C22orf42: variants seen among roughly 807,000 people sequenced by gnomAD.
C22orf42 encodes chromosome 22 open reading frame 42.
In C22orf42, 24 loss-of-function variants were observed where a neutral mutation model predicts 31.4. That is an observed-to-expected ratio of 0.77 (90% CI 0.55 to 1.08). The LOEUF (loss-of-function observed/expected upper bound fraction) is 1.08. Among genes scored for constraint, C22orf42 ranks in the 50% least tolerant of loss-of-function variants. C22orf42 has a pLI of 0.00. For missense variants in C22orf42, 276 were observed against 327.3 expected (o/e 0.84, Z 1.21); for synonymous variants, 96 against 112.7 (o/e 0.85, Z 0.94).
At chr22:32,150,584 G>C in intron 6 of C22orf42, 105 bp from the exon 7 acceptor site, 1 of 1,078,194 alleles carries the variant, frequency 9.3e-7, no homozygotes. Context: ...GTGGGCGGTT[G>C]ACAGGCATGG....
upstream of C22orf42, chr22:32,159,441 C>T: frequency 2.1e-6 from 3 of 1,400,536 alleles, no homozygotes; most frequent in Non-Finnish European, 2.8e-6. Context: ...CAATGCCCAT[C>T]CCTGCTGCTG....
At position 32,159,020 on chromosome 22, in the gene C22orf42, GGCTGAGGTACT is replaced by G; in HGVS notation, c.185_195del (p.Gln62ProfsTer41). 6.2e-7 allele frequency: 1 copy of G among 1,614,188 alleles called. No individual in the cohort carries two copies. The highest frequency in any genetic ancestry group is 8.5e-7 in the Non-Finnish European group (1 of 1,180,040). On this transcript the variant is annotated frameshift_variant, in exon 1 of 9. Transcript: ENST00000382097. LOFTEE classifies it high-confidence loss of function. ...TTCAGCATCTTCGGCGTCTTCGGGA[GGCTGAGGTACT>G]GCATGAGTTGGGCCTTCTTAGCTTT...
chr22:32,154,349 C>A, intron 1 of C22orf42, 31 bp from the exon 2 acceptor site: 1 of 1,605,858 alleles, frequency 6.2e-7, no homozygotes. Context: ...CTTATAGATT[C>A]TAGGAAATGT....
chr22:32,158,621 T>A (rs887735224), intron 1 of C22orf42, among the ~76,000 whole-genome samples: 1 of 152,230 alleles, frequency 6.6e-6, no homozygotes, highest in Non-Finnish European at 1.5e-5. Flanking sequence ...AATTATTAGC[T>A]ACCTTAAGGA....
intron 8 of C22orf42, 35 bp from the exon 9 acceptor site, chr22:32,149,648 A>AAT (rs964414656): frequency 7.5e-7 from 1 of 1,338,606 alleles, no homozygotes; most frequent in South Asian, 2.0e-5. Context: ...TCTCAAAAAA[A>AAT]AAATATATAT....
At chr22:32,158,321 A>T (rs1293500578) in intron 1 of C22orf42, among the ~76,000 whole-genome samples, 1 of 152,204 alleles carries the variant, frequency 6.6e-6, no homozygotes, top group Non-Finnish European at 1.5e-5. Context: ...CTCATGTCAA[A>T]TTGGGAATTT....
chr22:32,159,791 G>A (rs962213971), upstream of C22orf42: 2 of 159,430 alleles, frequency 1.3e-5, no homozygotes, highest in Middle Eastern at 3.3e-3. Context: ...TCGATAAAGC[G>A]TGATGACTGC....
At chr22:32,154,950 A>G (rs1603181557) in intron 1 of C22orf42, among the ~76,000 whole-genome samples, 1 of 152,342 alleles carries the variant, frequency 6.6e-6, no homozygotes, top group African/African-American at 2.4e-5. Flanking sequence ...CCAGCTCATG[A>G]AAAAGATCTG....
Position 32,155,553 on chromosome 22 carries a change from C to T in C22orf42, c.233-1235G>A, listed in dbSNP as rs185181028. Among the ~76,000 whole-genome samples the T allele has an allele frequency of 2.6e-4, 40 of 151,588 alleles. 1 individual carries two copies. In the East Asian group the frequency reaches 6.6e-3, roughly 25 times the overall value. ...CTTGCTTCTGCTTCCCCTGCTCCGACAATCCTAATTCTGGCTTCCAAAGCA... is the reference window on the plus strand; with the variant it reads ...CTTGCTTCTGCTTCCCCTGCTCCGATAATCCTAATTCTGGCTTCCAAAGCA... On this transcript the variant is annotated intron_variant, in intron 1 of 8. Transcript: ENST00000382097.
At chr22:32,152,509 G>C in intron 3 of C22orf42, 53 bp downstream of exon 3, 1 of 1,440,696 alleles carries the variant, frequency 6.9e-7, no homozygotes, top group Non-Finnish European at 9.8e-7. Flanking sequence ...TATTCTAGAA[G>C]CCCCAGAAAA....
chr22:32,150,042 GAT>G (rs982987699), intron 7 of C22orf42: 2 of 536,004 alleles, frequency 3.7e-6, no homozygotes, highest in African/African-American at 3.8e-5. Context: ...CTCACTACCA[GAT>G]AGTTTGTAAG....
At chr22:32,160,443 C>T (rs915783805), upstream of C22orf42, 1 of 152,170 alleles carries the variant, frequency 6.6e-6, no homozygotes, top group African/African-American at 2.4e-5. Context: ...CAAACAAAGG[C>T]TTAGAGGGTT....
At chr22:32,149,651 ATATATAT>A in intron 8 of C22orf42, 38 bp from the exon 9 acceptor site, 1 of 1,059,864 alleles carries the variant, frequency 9.4e-7, no homozygotes, top group Non-Finnish European at 1.2e-6. Context: ...CAAAAAAAAA[ATATATAT>A]ATATATATAT....
In C22orf42 at chr22:32,149,803, G is replaced by A. The variant is rs748272719; in HGVS notation, c.655-23C>T. 20 of 1,482,590 alleles carry A rather than the reference G, an allele frequency of 1.3e-5. No individual in the cohort carries two copies. In the East Asian group the frequency reaches 1.5e-4, roughly 11 times the overall value. The allele number at this position is 1,482,590 out of a possible 1,614,324, so 91.8% of individuals were successfully genotyped here. On this transcript the variant is annotated intron_variant, in intron 7 of 8. Coordinates refer to ENST00000382097, the MANE Select transcript of C22orf42 (RefSeq NM_001010859.3). ...TGCCTGCAATAGGAGAAAGGAAAACGCCATGAGGATCGGATCATGCTGGGC... is the reference window on the plus strand; with the variant it reads ...TGCCTGCAATAGGAGAAAGGAAAACACCATGAGGATCGGATCATGCTGGGC...
At chr22:32,158,483 G>A (rs1472165793) in intron 1 of C22orf42, among the ~76,000 whole-genome samples, 1 of 152,052 alleles carries the variant, frequency 6.6e-6, no homozygotes, top group Non-Finnish European at 1.5e-5. Flanking sequence ...AATTACAATT[G>A]GAAGAAGTAA....
rs1415384161 is a variant in C22orf42 at position 32,149,195 on chromosome 22, G to C, written c.*345C>G. ...CTTCCTCCACCAGCTCAGCTCCTTT[G>C]CTCTTCCTTATCCAGGAAATACAGA... On this transcript the variant is annotated 3_prime_UTR_variant, in exon 9 of 9. Coordinates refer to ENST00000382097, the MANE Select transcript of C22orf42 (RefSeq NM_001010859.3). The C allele has an allele frequency of 1.2e-5, 2 of 165,498 alleles. No homozygotes were observed. The highest frequency in any genetic ancestry group is 2.6e-5 in the Non-Finnish European group (2 of 76,172). 10.3% of individuals were successfully genotyped at this position (165,498 alleles called of 1,614,324 possible).
chr22:32,149,922 G>A (rs1325132417), intron 7 of C22orf42, 142 bp from the exon 8 acceptor site: 5 of 607,760 alleles, frequency 8.2e-6, no homozygotes, highest in East Asian at 6.2e-5. Context: ...AAGCATAGAC[G>A]ATGTGTGTGG....
rs1921436444 is a variant in C22orf42, at chr22:32,159,024, G to A, written c.192C>T (p.Leu64=). Residue 64 remains leucine (L), a synonymous_variant, in exon 1 of 9, where the codon CTC becomes CTT. Transcript: ENST00000382097. ...KAKKAQLMQY[L]SLPKTPKMLK... is the part of the protein sequence containing the mutation. ...GCATCTTCGGCGTCTTCGGGAGGCTGAGGTACTGCATGAGTTGGGCCTTCT... is the reference window on the plus strand; with the variant it reads ...GCATCTTCGGCGTCTTCGGGAGGCTAAGGTACTGCATGAGTTGGGCCTTCT... 1 of 1,614,198 alleles carries A rather than the reference G, an allele frequency of 6.2e-7. No individual in the cohort carries two copies. The highest frequency in any genetic ancestry group is 8.5e-7 in the Non-Finnish European group (1 of 1,180,040).
chr22:32,154,003 A>T (rs1921118779), intron 2 of C22orf42, among the ~76,000 whole-genome samples: 4 of 149,764 alleles, frequency 2.7e-5, no homozygotes. Flanking sequence ...CTGGGCGACA[A>T]ATGAGACCTT....
Sources: allele counts gnomAD v4.1 joint callset (sites outside exome capture counted in the v4.1 genomes callset), GRCh38; gene constraint gnomAD v4.1.1; transcripts MANE v1.5; gene names NCBI Gene and HGNC (gene_info 2026-07-23, HGNC 2026-07-21).